TAB2: variants seen among roughly 807,000 people sequenced by gnomAD.
TAB2 encodes the protein TGF-beta activated kinase 1 (MAP3K7) binding protein 2, also known as TGF-beta-activated kinase 1 and MAP3K7-binding protein 2.
Under a neutral mutation model 65.0 loss-of-function variants are expected in TAB2, and 3 were observed. The observed-to-expected ratio is 0.05, with a 90% CI of 0.02 to 0.12. The LOEUF (loss-of-function observed/expected upper bound fraction) is 0.12. TAB2 is among the 10% of genes least tolerant of loss of function. The pLI, the probability that TAB2 is intolerant of heterozygous loss-of-function variation, is 1.00. For missense variants in TAB2, 623 were observed against 840.3 expected (o/e 0.74, Z 3.20); for synonymous variants, 298 against 285.1 (o/e 1.05, Z -0.46).
intron 1 of TAB2, among the ~76,000 whole-genome samples, chr6:149,258,880 T>C (rs1264106168): frequency 6.6e-6 from 1 of 152,202 alleles, no homozygotes; most frequent in African/African-American, 2.4e-5. Flanking sequence ...TCTGGACCAG[T>C]GTTAGCACAG....
intron 1 of TAB2, among the ~76,000 whole-genome samples, chr6:149,325,996 C>G (rs530115404): frequency 1.3e-5 from 2 of 152,274 alleles, no homozygotes; most frequent in South Asian, 4.1e-4. Flanking sequence ...GCCTTGGCCT[C>G]CCACCTAAGT....
At chr6:149,296,957 TC>T (rs1393473690) in intron 1 of TAB2, among the ~76,000 whole-genome samples, 2 of 152,158 alleles carry the variant, frequency 1.3e-5, no homozygotes, top group Non-Finnish European at 2.9e-5. Context: ...TTTTAGACCA[TC>T]AGAGAAGCTT....
chr6:149,279,854 C>A lies in TAB2; in HGVS notation c.-121+61078C>A, dbSNP rs187402875. On this transcript the variant is annotated intron_variant, in intron 1 of 1. Coordinates refer to the TAB2 transcript ENST00000606202. ...CTGAACTTGTTTTTCTTATCAAAAC[C>A]TATTTCCCCCTTCTGTGCTCCTCAT... 5.3e-5 allele frequency among the ~76,000 whole-genome samples: 8 copies of A among 152,222 alleles called. No individual in the cohort carries two copies. The East Asian group carries it at 1.5e-3, about 29-fold the overall frequency.
intron 6 of TAB2, chr6:149,400,112 A>G: frequency 4.5e-6 from 2 of 446,734 alleles, no homozygotes; most frequent in South Asian, 4.5e-5. Context: ...GTCCTCACTT[A>G]TTAGTAATTA....
At chr6:149,283,429 G>A (rs1778612327) in intron 1 of TAB2, among the ~76,000 whole-genome samples, 1 of 152,118 alleles carries the variant, frequency 6.6e-6, no homozygotes, top group Admixed American at 6.6e-5. Flanking sequence ...TACAAGAAGG[G>A]CCAGGCATGG....
chr6:149,231,451 A>G (rs926408), intron 1 of TAB2, among the ~76,000 whole-genome samples: 63,030 of 152,134 alleles, frequency 0.41, 13,331 homozygotes, highest in Middle Eastern at 0.54. Context: ...GGAAGCAATC[A>G]TTTGTTTAAC....
chr6:149,283,316 G>T (rs984043797), intron 1 of TAB2, among the ~76,000 whole-genome samples: 1 of 152,216 alleles, frequency 6.6e-6, no homozygotes, highest in Non-Finnish European at 1.5e-5. Context: ...GAGGCAGTAA[G>T]TTATATCTTC....
Position 149,254,085 on chromosome 6 carries a change from GGAA to G in TAB2, c.-121+35311_-121+35313del, listed in dbSNP as rs1323742220. 3.8e-4 allele frequency among the ~76,000 whole-genome samples: 43 copies of G among 112,302 alleles called. 1 individual carries two copies. The highest frequency in any genetic ancestry group is 4.1e-3 in the Middle Eastern group (1 of 246). The allele number at this position is 112,302 out of a possible 152,430, so 73.7% of individuals were successfully genotyped here. A position where few individuals can be genotyped will look rare whatever the true frequency, so the allele number is the denominator to read the frequency against. On this transcript the variant is annotated intron_variant, in intron 1 of 1. Coordinates refer to the TAB2 transcript ENST00000606202. ...AGGAAGGAAGGAAGGAAGGAAGGAA[GGAA>G]GGAAGGAAGGAAGGAAGGAAGGAAG...
At chr6:149,291,557 G>A (rs1271703550) in intron 1 of TAB2, 1 of 152,336 alleles carries the variant, frequency 6.6e-6, no homozygotes, top group Non-Finnish European at 1.5e-5. Flanking sequence ...TGGAAATGAA[G>A]CAGGTCAAAA....
chr6:149,303,397 G>A (rs1411662612), intron 1 of TAB2, among the ~76,000 whole-genome samples: 1 of 152,160 alleles, frequency 6.6e-6, no homozygotes, highest in Non-Finnish European at 1.5e-5. Flanking sequence ...CTTGATGTCT[G>A]CTAGTCAGAG....
intron 1 of TAB2, chr6:149,245,542 C>T (rs1335391356): frequency 6.6e-6 from 1 of 151,670 alleles, no homozygotes; most frequent in Admixed American, 6.6e-5. Context: ...AATAAAACAA[C>T]TCATGGTTAT....
intron 3 of TAB2, among the ~76,000 whole-genome samples, chr6:149,381,606 C>A (rs935150064): frequency 7.3e-6 from 1 of 136,394 alleles, no homozygotes; most frequent in Non-Finnish European, 1.5e-5. Flanking sequence ...CAGGGTCTCG[C>A]TCTTTCGTCC....
intron 1 of TAB2, among the ~76,000 whole-genome samples, chr6:149,224,794 A>G (rs1777232832): frequency 2.6e-5 from 4 of 152,252 alleles, no homozygotes; most frequent in African/African-American, 7.2e-5. Flanking sequence ...GCCATCCTAC[A>G]TACCTTTATG....
At chr6:149,247,194 G>A (rs1456033235) in intron 1 of TAB2, 2 of 152,240 alleles carry the variant, frequency 1.3e-5, no homozygotes, top group African/African-American at 4.8e-5. Flanking sequence ...ATCATCCCGT[G>A]TGGCTCCCAC....
At chr6:149,360,859 G>A (rs764335644) in intron 1 of TAB2, among the ~76,000 whole-genome samples, 6 of 152,190 alleles carry the variant, frequency 3.9e-5, no homozygotes, top group Non-Finnish European at 7.3e-5. Context: ...CCAAAAGGGA[G>A]AAATTGGCCA....
At chr6:149,284,204 T>G (rs1409598400) in intron 1 of TAB2, among the ~76,000 whole-genome samples, 1 of 152,172 alleles carries the variant, frequency 6.6e-6, no homozygotes. Context: ...ACGGGCTTTG[T>G]GCTGCAGCAA....
chr6:149,235,529 T>A (rs1389994168), intron 1 of TAB2, among the ~76,000 whole-genome samples: 1 of 152,186 alleles, frequency 6.6e-6, no homozygotes, highest in East Asian at 1.9e-4. Flanking sequence ...CACCAAAAAA[T>A]CATCTGACTA....
chr6:149,343,624 T>G (rs1248630663), intron 1 of TAB2, among the ~76,000 whole-genome samples: 1 of 152,214 alleles, frequency 6.6e-6, no homozygotes, highest in Non-Finnish European at 1.5e-5. Context: ...TGCTAATATT[T>G]TACTTGATTA....
chr6:149,269,192 C>G (rs1386381101), intron 1 of TAB2, among the ~76,000 whole-genome samples: 2 of 152,108 alleles, frequency 1.3e-5, no homozygotes, highest in Non-Finnish European at 2.9e-5. Flanking sequence ...GTTTCATTAG[C>G]CTTTGTGCTG....
Sources: gnomAD v4.1 joint callset for allele counts (sites outside exome capture counted in the v4.1 genomes callset) on GRCh38, gnomAD v4.1.1 for gene constraint, MANE v1.5 for transcripts, NCBI Gene and HGNC (gene_info 2026-07-23, HGNC 2026-07-21) for gene names.